The following FRMPD4 variants were observed in gnomAD, a reference collection of about 807,000 sequenced individuals.
FRMPD4 encodes the protein FERM and PDZ domain-containing protein 4.
FRMPD4 carries 22 observed loss-of-function variants against 94.1 expected under a neutral mutation model. The observed-to-expected ratio is 0.23, with a 90% CI of 0.17 to 0.33. FRMPD4 has a LOEUF of 0.33. FRMPD4 is among the 10% of genes least tolerant of loss of function. The probability of loss-of-function intolerance (pLI) is 1.00; values close to 1 mark genes in which losing one functional copy is unlikely to be tolerated. For synonymous variants in FRMPD4, 631 were observed against 548.6 expected, an observed-to-expected ratio of 1.15 and a Z score of -2.10; for missense variants, 1,111 against 1,339.9, an observed-to-expected ratio of 0.83 and a Z score of 2.67.
chrX:12,105,456 G>A (rs1407106692), intron 3 of FRMPD4, among the ~76,000 whole-genome samples: 4 of 112,135 alleles, frequency 3.6e-5, no homozygotes, highest in African/African-American at 1.3e-4. Context: ...CTCTGTGTGT[G>A]TACACACACA....
intron 3 of FRMPD4, among the ~76,000 whole-genome samples, chrX:12,105,279 C>A (rs1029197986): frequency 7.1e-5 from 8 of 112,204 alleles, no homozygotes; most frequent in African/African-American, 2.6e-4. Flanking sequence ...CCTGCAGCAT[C>A]ATGTTACTCT....
At chrX:11,890,608 G>A (rs2053868606) in intron 3 of FRMPD4, among the ~76,000 whole-genome samples, 1 of 112,269 alleles carries the variant, frequency 8.9e-6, no homozygotes. Flanking sequence ...TACCTTGAGG[G>A]ATAATTATCA....
chrX:12,216,373 G>C (rs1444959766), intron 1 of FRMPD4, among the ~76,000 whole-genome samples: 1 of 111,648 alleles, frequency 9.0e-6, no homozygotes, highest in African/African-American at 3.3e-5. Flanking sequence ...TCCCAAGAAA[G>C]AGAGCCAAGC....
chrX:11,902,458 C>A (rs1237176662), intron 3 of FRMPD4, among the ~76,000 whole-genome samples: 1 of 111,481 alleles, frequency 9.0e-6, no homozygotes, highest in Non-Finnish European at 1.9e-5. Flanking sequence ...AGAGTGAGAA[C>A]CCAAGAGAGC....
intron 2 of FRMPD4, among the ~76,000 whole-genome samples, chrX:12,559,186 C>T (rs144419588): frequency 0.014 from 1,523 of 112,011 alleles, 26 homozygotes; most frequent in African/African-American, 0.047. Context: ...ATCAGGAGTA[C>T]ATTTGAGAAA....
intron 3 of FRMPD4, among the ~76,000 whole-genome samples, chrX:12,094,963 C>T (rs2055185901): frequency 8.9e-6 from 1 of 111,799 alleles, no homozygotes. Flanking sequence ...CACTCAGTCA[C>T]AGAATTGGAA....
intron 13 of FRMPD4, among the ~76,000 whole-genome samples, chrX:12,710,137 TAGAC>T (rs756134488): frequency 1.4e-5 from 1 of 70,023 alleles, no homozygotes; most frequent in Non-Finnish European, 3.0e-5. Context: ...CAAATATAGA[TAGAC>T]AGATAGATAG....
At chrX:11,868,321 G>T (rs2053734096) in intron 2 of FRMPD4, among the ~76,000 whole-genome samples, 1 of 111,919 alleles carries the variant, frequency 8.9e-6, no homozygotes, top group Non-Finnish European at 1.9e-5. Context: ...TGAGCCAAAT[G>T]CTATGAGAAC....
chrX:12,549,903 T>C (rs1057149010), intron 2 of FRMPD4, among the ~76,000 whole-genome samples: 14 of 112,419 alleles, frequency 1.2e-4, no homozygotes, highest in African/African-American at 3.9e-4. Context: ...CCAAATACAT[T>C]GGACACCATA....
chrX:12,250,734 T>C (rs1018792520), intron 1 of FRMPD4, among the ~76,000 whole-genome samples: 3 of 111,856 alleles, frequency 2.7e-5, no homozygotes, highest in African/African-American at 9.8e-5. Context: ...ATTACAGCAA[T>C]TGTGGAATTG....
At chrX:11,837,629 C>T (rs1051574152) in intron 1 of FRMPD4, among the ~76,000 whole-genome samples, 1 of 111,674 alleles carries the variant, frequency 9.0e-6, no homozygotes, top group African/African-American at 3.2e-5. Context: ...CCTCGTTCTG[C>T]ATGTCAGACT....
At chrX:11,989,051 T>C (rs1033453162) in intron 3 of FRMPD4, among the ~76,000 whole-genome samples, 1 of 112,012 alleles carries the variant, frequency 8.9e-6, no homozygotes, top group African/African-American at 3.2e-5. Context: ...GTTTGGATGT[T>C]CCTTAATATA....
At chrX:12,204,458 G>A (rs1460193825) in intron 1 of FRMPD4, among the ~76,000 whole-genome samples, 1 of 111,561 alleles carries the variant, frequency 9.0e-6, no homozygotes, top group Non-Finnish European at 1.9e-5. Flanking sequence ...TCTGAGGTAC[G>A]CTGCCGAAAA....
chrX:12,001,268 G>A (rs1177762230), intron 3 of FRMPD4, among the ~76,000 whole-genome samples: 1 of 112,064 alleles, frequency 8.9e-6, no homozygotes, highest in East Asian at 2.8e-4. Flanking sequence ...AACAAAGACT[G>A]AAAGACAACC....
At chrX:12,294,317 A>G (rs1278979973) in intron 1 of FRMPD4, among the ~76,000 whole-genome samples, 1 of 111,673 alleles carries the variant, frequency 9.0e-6, no homozygotes, top group African/African-American at 3.3e-5. Flanking sequence ...AAAGATACAC[A>G]CCAAACAGGG....
intron 1 of FRMPD4, among the ~76,000 whole-genome samples, chrX:12,451,561 A>G (rs1222726104): frequency 1.8e-5 from 2 of 112,233 alleles, no homozygotes; most frequent in African/African-American, 6.5e-5. Context: ...TCACAGGTCA[A>G]GAACCAGGAA....
intron 2 of FRMPD4, among the ~76,000 whole-genome samples, chrX:12,546,337 C>G (rs2058476002): frequency 9.0e-6 from 1 of 111,032 alleles, no homozygotes; most frequent in Non-Finnish European, 1.9e-5. Flanking sequence ...GCCACCACAC[C>G]CGGCTAATCT....
intron 1 of FRMPD4, among the ~76,000 whole-genome samples, chrX:12,237,132 C>A (rs1013174102): frequency 8.9e-6 from 1 of 111,985 alleles, no homozygotes; most frequent in African/African-American, 3.2e-5. Context: ...CATTTTTATG[C>A]ATAGTTGATA....
rs1398189890 is a variant in FRMPD4, at chrX:12,107,804, C to G, written c.95+229786C>G. On this transcript the variant is annotated intron_variant, in intron 3 of 18. Transcript: ENST00000640291. ...AAGCTTCAGTAGCCAATTTGATCAA[C>G]TGGAAGAAAGGGTTTCAGTGATTAA... Among the ~76,000 whole-genome samples the G allele has an allele frequency of 5.4e-5, 6 of 111,191 alleles. No individual in the cohort carries two copies. The South Asian group carries it at 1.1e-3, about 21-fold the overall frequency.
Sources: allele counts gnomAD v4.1 joint callset (sites outside exome capture counted in the v4.1 genomes callset), GRCh38; gene constraint gnomAD v4.1.1; transcripts MANE v1.5; gene names NCBI Gene and HGNC (gene_info 2026-07-23, HGNC 2026-07-21).